Variants in KANK1 observed in about 807,000 individuals in gnomAD.
KANK1 encodes the protein KN motif and ankyrin repeat domains 1.
A neutral mutation model predicts 106.2 loss-of-function variants in KANK1; 109 were observed. The ratio of observed to expected loss-of-function variants is 1.03; its 90% confidence interval spans 0.88 to 1.20. The LOEUF (loss-of-function observed/expected upper bound fraction) is 1.20, where lower values mean the gene tolerates loss of function less well. Among genes scored for constraint, KANK1 ranks in the 50% most tolerant of loss-of-function variants. The pLI is 0.00. For synonymous variants in KANK1, 873 were observed against 652.2 expected (o/e 1.34, Z -5.16); for missense variants, 2,399 against 1,710.7 (o/e 1.40, Z -7.10).
At chr9:484,935 C>CA (rs60286162) in intron 3 of KANK1, among the ~76,000 whole-genome samples, 12,421 of 144,356 alleles carry the variant, frequency 0.086, 1,807 homozygotes, top group African/African-American at 0.3. Flanking sequence ...ATGGAGAATG[C>CA]AAAAAAAAAA....
intron 1 of KANK1, among the ~76,000 whole-genome samples, chr9:534,802 TAAGA>T (rs1267372114): frequency 1.7e-4 from 26 of 152,330 alleles, no homozygotes; most frequent in Non-Finnish European, 3.2e-4. Context: ...ATGTTTACAA[TAAGA>T]AAGCTGTTTA....
intron 1 of KANK1, among the ~76,000 whole-genome samples, chr9:584,281 AACTT>A (rs1193429008): frequency 5.9e-5 from 9 of 152,206 alleles, no homozygotes; most frequent in East Asian, 1.9e-4. Context: ...CTTTTAGTGA[AACTT>A]ACATGCACTT....
chr9:726,554 G>A (rs548184387), intron 3 of KANK1, among the ~76,000 whole-genome samples: 7 of 147,220 alleles, frequency 4.8e-5, no homozygotes, highest in African/African-American at 1.0e-4. Context: ...CAGGAGAATC[G>A]CTTAAACCGG....
At chr9:721,663 T>A (rs1829381085) in intron 3 of KANK1, among the ~76,000 whole-genome samples, 1 of 152,234 alleles carries the variant, frequency 6.6e-6, no homozygotes, top group South Asian at 2.1e-4. Flanking sequence ...CAATAATTGA[T>A]TGGTTCTCAG....
intron 1 of KANK1, among the ~76,000 whole-genome samples, chr9:556,567 G>A (rs2061596655): frequency 1.3e-5 from 2 of 152,162 alleles, no homozygotes; most frequent in East Asian, 1.9e-4. Context: ...TTGCTTTTTA[G>A]TAACTGTTTC....
intron 1 of KANK1, among the ~76,000 whole-genome samples, chr9:646,739 G>C (rs1479162003): frequency 6.7e-6 from 1 of 149,324 alleles, no homozygotes; most frequent in Non-Finnish European, 1.5e-5. Context: ...ACCCAGGCTG[G>C]AGTGCAGTGG....
intron 1 of KANK1, among the ~76,000 whole-genome samples, chr9:576,211 G>A (rs1367399969): frequency 6.6e-6 from 1 of 152,158 alleles, no homozygotes; most frequent in Non-Finnish European, 1.5e-5. Flanking sequence ...TCTGATTCAT[G>A]ATAAAGTTTC....
At chr9:520,213 C>G (rs1310320689) in intron 1 of KANK1, among the ~76,000 whole-genome samples, 2 of 151,738 alleles carry the variant, frequency 1.3e-5, no homozygotes, top group Non-Finnish European at 2.9e-5. Flanking sequence ...TAGCACGCCC[C>G]TGTAGTCCCG....
At chr9:728,495 G>A (rs529886246) in intron 3 of KANK1, among the ~76,000 whole-genome samples, 10 of 152,306 alleles carry the variant, frequency 6.6e-5, no homozygotes, top group African/African-American at 2.4e-4. Flanking sequence ...CACTGCTCCC[G>A]GCCTCTTCGA....
chr9:536,826 T>C (rs1182252266), intron 1 of KANK1, among the ~76,000 whole-genome samples: 1 of 152,194 alleles, frequency 6.6e-6, no homozygotes, highest in East Asian at 1.9e-4. Context: ...CTGCCACACA[T>C]GATAAGGTGT....
At chr9:742,079 G>C in intron 9 of KANK1, 126 bp from the exon 10 acceptor site, 1 of 801,844 alleles carries the variant, frequency 1.2e-6, no homozygotes, top group East Asian at 2.5e-5. Flanking sequence ...GCCCCAAGTA[G>C]TTCCATCGCC....
chr9:731,617 C>T (rs1022933340), intron 5 of KANK1: 10 of 158,994 alleles, frequency 6.3e-5, no homozygotes, highest in Admixed American at 3.2e-4. Context: ...AGACTGAGAG[C>T]ATCACTCTCT....
At chr9:540,244 G>C (rs866581979) in intron 1 of KANK1, among the ~76,000 whole-genome samples, 1 of 152,190 alleles carries the variant, frequency 6.6e-6, no homozygotes, top group Non-Finnish European at 1.5e-5. Context: ...ATCATGAAAG[G>C]ATGTTGAATT....
intron 8 of KANK1, among the ~76,000 whole-genome samples, chr9:740,258 G>C (rs188494334): frequency 3.0e-4 from 45 of 152,228 alleles, no homozygotes; most frequent in African/African-American, 7.9e-4. Flanking sequence ...ATAAATTCTG[G>C]AGCTGGATGT....
intron 3 of KANK1, among the ~76,000 whole-genome samples, chr9:727,483 A>C (rs1248828859): frequency 2.0e-5 from 3 of 151,580 alleles, no homozygotes; most frequent in African/African-American, 4.8e-5. Flanking sequence ...TGCCCAGCTA[A>C]TTTTTGTATT....
chr9:705,879 G>A (rs1471463083), intron 2 of KANK1, among the ~76,000 whole-genome samples: 1 of 152,034 alleles, frequency 6.6e-6, no homozygotes, highest in Admixed American at 6.6e-5. Context: ...GGGATTACAG[G>A]CATGAGCCAG....
intron 2 of KANK1, among the ~76,000 whole-genome samples, chr9:703,751 A>C (rs1307925828): frequency 6.6e-6 from 1 of 151,278 alleles, no homozygotes; most frequent in Non-Finnish European, 1.5e-5. Context: ...TTGCTCTGTC[A>C]CCCAGGCTGG....
chr9:706,816 T>A (rs1824333515), intron 2 of KANK1: 1 of 985,514 alleles, frequency 1.0e-6, no homozygotes. Context: ...TGATTGTGCC[T>A]CTGCACCTCC....
chr9:483,066 A>G (rs192838281), intron 3 of KANK1, among the ~76,000 whole-genome samples: 19 of 152,336 alleles, frequency 1.2e-4, no homozygotes, highest in Admixed American at 1.2e-3. Context: ...TTACTTAATA[A>G]TGGCCCAAAG....
Sources: allele counts gnomAD v4.1 joint callset (sites outside exome capture counted in the v4.1 genomes callset), GRCh38; gene constraint gnomAD v4.1.1; transcripts MANE v1.5; gene names NCBI Gene and HGNC (gene_info 2026-07-23, HGNC 2026-07-21).